Variants in BBX observed in about 807,000 individuals in gnomAD.
BBX encodes HMG box transcription factor BBX.
BBX carries 30 observed loss-of-function variants against 100.2 expected under a neutral mutation model. That is an observed-to-expected ratio of 0.30 (90% CI 0.22 to 0.41). The LOEUF is 0.41. BBX is among the 10% of genes least tolerant of loss of function. BBX has a pLI of 1.00. For missense variants in BBX, 1,023 were observed against 1,129.8 expected (o/e 0.91, Z 1.35); for synonymous variants, 376 against 388.1 (o/e 0.97, Z 0.37).
At position 107,572,278 on chromosome 3, in the gene BBX, C is replaced by G. The variant is rs1179280034; in HGVS notation, c.-84+45880C>G. On this transcript the variant is annotated intron_variant, in intron 2 of 17. Coordinates refer to ENST00000325805, the MANE Select transcript of BBX (RefSeq NM_001142568.3). Reference sequence around the variant, plus strand: ...AATCCTTTCGTTAGTTCTCAGAATTCCCAGCGAAAGACTTTGTGACAATCA... The same window carrying G: ...AATCCTTTCGTTAGTTCTCAGAATTGCCAGCGAAAGACTTTGTGACAATCA... Among the ~76,000 whole-genome samples the G allele has an allele frequency of 1.1e-4, 16 of 152,130 alleles. 1 individual carries two copies. Among genetic ancestry groups the G allele is most frequent in the Admixed American group, 1.0e-3 (16 of 15,274 alleles).
chr3:107,659,616 G>A lies in BBX; in HGVS notation c.-10+13707G>A, dbSNP rs2058337585. 2.7e-5 allele frequency: 16 copies of A among 596,230 alleles called. 1 individual carries two copies. Among genetic ancestry groups the A allele is most frequent in the South Asian group, 2.4e-4 (13 of 54,108 alleles). 36.9% of individuals were successfully genotyped at this position (596,230 alleles called of 1,614,324 possible). A position where few individuals can be genotyped will look rare whatever the true frequency, so the allele number is the denominator to read the frequency against. ...GGTGAAATTATCTGCCCAAGGTTACGCTGCTAATAAGTGGCAAAGCTGGAA... is the reference window on the plus strand; with the variant it reads ...GGTGAAATTATCTGCCCAAGGTTACACTGCTAATAAGTGGCAAAGCTGGAA... On this transcript the variant is annotated intron_variant, in intron 3 of 17. Transcript: ENST00000325805.
intron 2 of BBX, among the ~76,000 whole-genome samples, chr3:107,565,902 C>T (rs988493334): frequency 1.3e-5 from 2 of 151,486 alleles, no homozygotes; most frequent in African/African-American, 4.8e-5. Context: ...GGCTGGGCGC[C>T]GTGGCTCACA....
chr3:107,633,887 C>G (rs767711905), intron 2 of BBX, among the ~76,000 whole-genome samples: 3 of 152,150 alleles, frequency 2.0e-5, no homozygotes, highest in African/African-American at 7.2e-5. Flanking sequence ...CTATTGTGCC[C>G]CCAACAGGGT....
chr3:107,647,696 T>C (rs758257657), intron 3 of BBX, among the ~76,000 whole-genome samples: 1 of 152,168 alleles, frequency 6.6e-6, no homozygotes, highest in Non-Finnish European at 1.5e-5. Context: ...GGGAAACATA[T>C]CAGTCAACTT....
intron 7 of BBX, among the ~76,000 whole-genome samples, chr3:107,740,487 C>T (rs1437877438): frequency 6.6e-6 from 1 of 152,054 alleles, no homozygotes; most frequent in Non-Finnish European, 1.5e-5. Flanking sequence ...CTCCTGCCTC[C>T]AGTCATCCCC....
chr3:107,565,310 T>G (rs2107492789), intron 2 of BBX, among the ~76,000 whole-genome samples: 1 of 151,936 alleles, frequency 6.6e-6, no homozygotes, highest in South Asian at 2.1e-4. Flanking sequence ...TATTTTTTTT[T>G]TGGCTAGTAC....
At chr3:107,683,082 ATTGT>A (rs2059654442) in intron 3 of BBX, among the ~76,000 whole-genome samples, 1 of 152,110 alleles carries the variant, frequency 6.6e-6, no homozygotes, top group Admixed American at 6.6e-5. Flanking sequence ...TGAACATTTT[ATTGT>A]TTGTCATTTC....
chr3:107,697,012 C>T (rs2060656376), intron 3 of BBX, among the ~76,000 whole-genome samples: 1 of 151,866 alleles, frequency 6.6e-6, no homozygotes, highest in African/African-American at 2.4e-5. Flanking sequence ...CTTCTGCATT[C>T]TTCACGTAGT....
intron 5 of BBX, among the ~76,000 whole-genome samples, chr3:107,725,015 C>T (rs1055035014): frequency 8.1e-4 from 123 of 152,198 alleles, no homozygotes; most frequent in African/African-American, 2.8e-3. Context: ...GCCATTTTCA[C>T]GATATTGATT....
At chr3:107,791,789 T>C (rs541077014) in intron 15 of BBX, among the ~76,000 whole-genome samples, 1 of 152,214 alleles carries the variant, frequency 6.6e-6, no homozygotes, top group African/African-American at 2.4e-5. Flanking sequence ...GATCATGAGG[T>C]CAGGAGTTCG....
chr3:107,645,475 G>T (rs2057461490), intron 2 of BBX, among the ~76,000 whole-genome samples: 1 of 152,016 alleles, frequency 6.6e-6, no homozygotes, highest in African/African-American at 2.4e-5. Context: ...CTTGAATTTA[G>T]TTAGGGTGTC....
intron 2 of BBX, among the ~76,000 whole-genome samples, chr3:107,623,375 A>G (rs971579642): frequency 5.3e-5 from 8 of 152,132 alleles, no homozygotes; most frequent in African/African-American, 1.9e-4. Context: ...CTCCACAGAA[A>G]TATTTGAGGC....
At chr3:107,630,919 G>T (rs1200837504) in intron 2 of BBX, among the ~76,000 whole-genome samples, 1 of 152,160 alleles carries the variant, frequency 6.6e-6, no homozygotes, top group African/African-American at 2.4e-5. Flanking sequence ...TGCTGTGAAG[G>T]TTCCCTGAGA....
At chr3:107,719,387 A>C (rs897361842) in intron 5 of BBX, among the ~76,000 whole-genome samples, 2 of 151,968 alleles carry the variant, frequency 1.3e-5, no homozygotes, top group African/African-American at 2.4e-5. Context: ...TTTTAAAAGA[A>C]GTATATTTTA....
At chr3:107,774,647 G>T in intron 11 of BBX, 72 bp from the exon 12 acceptor site, 1 of 1,500,552 alleles carries the variant, frequency 6.7e-7, no homozygotes. Flanking sequence ...GAGGTTGCTC[G>T]TGAAGCAACT....
intron 2 of BBX, among the ~76,000 whole-genome samples, chr3:107,538,193 T>A (rs1214684264): frequency 6.6e-6 from 1 of 152,208 alleles, no homozygotes; most frequent in African/African-American, 2.4e-5. Context: ...GTCATAAGAC[T>A]AGGGTTTTTT....
intron 1 of BBX, among the ~76,000 whole-genome samples, chr3:107,525,144 C>T (rs1428403909): frequency 6.7e-6 from 1 of 148,610 alleles, no homozygotes; most frequent in Non-Finnish European, 1.5e-5. Context: ...CCAGGGGCGC[C>T]GGGGGTCCCC....
chr3:107,575,760 G>A (rs1295805456), intron 2 of BBX, among the ~76,000 whole-genome samples: 1 of 152,064 alleles, frequency 6.6e-6, no homozygotes, highest in Admixed American at 6.6e-5. Flanking sequence ...TCAATAGGCA[G>A]TAGTATCTCA....
chr3:107,578,051 G>A (rs1219324849), intron 2 of BBX, among the ~76,000 whole-genome samples: 1 of 152,190 alleles, frequency 6.6e-6, no homozygotes, highest in Non-Finnish European at 1.5e-5. Context: ...TAGATAAAGT[G>A]CATTTTTGCT....
Sources: gnomAD v4.1 joint callset for allele counts (sites outside exome capture counted in the v4.1 genomes callset) on GRCh38, gnomAD v4.1.1 for gene constraint, MANE v1.5 for transcripts, NCBI Gene and HGNC (gene_info 2026-07-23, HGNC 2026-07-21) for gene names.